The following EXOC6B variants were observed in gnomAD, a reference collection of about 807,000 sequenced individuals.
EXOC6B encodes the protein exocyst complex component 6B.
EXOC6B carries 54 observed loss-of-function variants against 113.5 expected under a neutral mutation model. The observed-to-expected ratio is 0.48, with a 90% CI of 0.38 to 0.60. EXOC6B has a LOEUF of 0.60. Among genes scored for constraint, EXOC6B ranks in the 20% least tolerant of loss-of-function variants. The pLI, the probability that EXOC6B is intolerant of heterozygous loss-of-function variation, is 0.00. For synonymous variants in EXOC6B, 357 were observed against 339.0 expected (o/e 1.05, Z -0.58); for missense variants, 797 against 977.5 (o/e 0.82, Z 2.46).
At chr2:72,516,006 T>G (rs1316080154) in intron 8 of EXOC6B, among the ~76,000 whole-genome samples, 1 of 152,148 alleles carries the variant, frequency 6.6e-6, no homozygotes, top group East Asian at 1.9e-4. Flanking sequence ...TCAGAGATTG[T>G]TGATCACCAG....
rs2104226862 is a variant in EXOC6B at position 72,184,255 on chromosome 2, C to T, written c.2197-68G>A. ...ACAAGACAAACCAAGATTCCAGAAA[C>T]TTCATCATCCTTCACTACCAGCTAA... On this transcript the variant is annotated intron_variant, in intron 20 of 21. Coordinates refer to ENST00000272427, the MANE Select transcript of EXOC6B (RefSeq NM_015189.3). 4 of 722,176 alleles carry T rather than the reference C, an allele frequency of 5.5e-6. No homozygotes were observed. The South Asian group carries it at 7.1e-5, about 13-fold the overall frequency. 44.7% of individuals were successfully genotyped at this position (722,176 alleles called of 1,614,324 possible).
intron 1 of EXOC6B, among the ~76,000 whole-genome samples, chr2:72,750,701 C>T (rs1329159288): frequency 6.6e-6 from 1 of 152,214 alleles, no homozygotes; most frequent in Non-Finnish European, 1.5e-5. Context: ...GGGAGGTCTA[C>T]ACTCATACTA....
intron 1 of EXOC6B, among the ~76,000 whole-genome samples, chr2:72,788,221 T>C (rs1488155044): frequency 6.6e-6 from 1 of 152,206 alleles, no homozygotes; most frequent in African/African-American, 2.4e-5. Context: ...TGACTTAATA[T>C]GTAAAATTGA....
intron 6 of EXOC6B, among the ~76,000 whole-genome samples, chr2:72,685,057 C>A (rs1198932650): frequency 6.6e-6 from 1 of 151,934 alleles, no homozygotes; most frequent in Admixed American, 6.6e-5. Flanking sequence ...GTGAAGTGTA[C>A]CTAGGTCTCA....
intron 18 of EXOC6B, among the ~76,000 whole-genome samples, chr2:72,425,818 A>T (rs903448299): frequency 2.0e-5 from 3 of 152,142 alleles, no homozygotes; most frequent in Non-Finnish European, 4.4e-5. Context: ...ATAATTTCTT[A>T]CTTTTTAAAT....
chr2:72,638,241 T>C (rs1008663169), intron 6 of EXOC6B, among the ~76,000 whole-genome samples: 1 of 151,864 alleles, frequency 6.6e-6, no homozygotes, highest in Admixed American at 6.6e-5. Flanking sequence ...TGCTGATAAA[T>C]TGGGAAAACT....
chr2:72,458,782 G>C lies in EXOC6B; in HGVS notation c.1980+6378C>G, dbSNP rs113527397. On this transcript the variant is annotated intron_variant, in intron 18 of 21. Transcript: ENST00000272427. ...TTTAATTCAGACAAGCACCAGGTTT[G>C]ATCCACATTACTGCTTCTAAATGAC... 9.7e-3 allele frequency among the ~76,000 whole-genome samples: 1,473 copies of C among 152,182 alleles called. 24 individuals are homozygous for C. Among genetic ancestry groups the C allele is most frequent in the African/African-American group, 0.033 (1,365 of 41,526 alleles).
intron 20 of EXOC6B, among the ~76,000 whole-genome samples, chr2:72,202,339 A>G (rs1679541168): frequency 6.6e-6 from 1 of 152,212 alleles, no homozygotes; most frequent in African/African-American, 2.4e-5. Context: ...GCAACTAAAA[A>G]CTGCCCTTTG....
At chr2:72,446,715 C>A (rs1005605255) in intron 18 of EXOC6B, among the ~76,000 whole-genome samples, 3 of 152,078 alleles carry the variant, frequency 2.0e-5, no homozygotes, top group Admixed American at 6.5e-5. Context: ...TACAACAAAC[C>A]CCTGTGACAC....
intron 6 of EXOC6B, among the ~76,000 whole-genome samples, chr2:72,614,111 C>T (rs1671245094): frequency 6.6e-6 from 1 of 152,082 alleles, no homozygotes; most frequent in Non-Finnish European, 1.5e-5. Context: ...TATGGAAAAA[C>T]GGTTTGTCAA....
At position 72,585,739 on chromosome 2, in the gene EXOC6B, T is replaced by C. The variant is rs191085501; in HGVS notation, c.670-10071A>G. ...CCTGGGTAACACAACCTCTAAAGAT[T>C]AAATCAGGAAGATAGTGAAACCCTG... On this transcript the variant is annotated intron_variant, in intron 6 of 21. Transcript: ENST00000272427. Among the ~76,000 whole-genome samples, 77 of 152,112 alleles carry C rather than the reference T, an allele frequency of 5.1e-4. 1 individual carries two copies. Among genetic ancestry groups the C allele is most frequent in the East Asian group, 2.3e-3 (12 of 5,184 alleles).
At chr2:72,218,232 C>T (rs932049749) in intron 20 of EXOC6B, among the ~76,000 whole-genome samples, 3 of 152,196 alleles carry the variant, frequency 2.0e-5, no homozygotes, top group Non-Finnish European at 2.9e-5. Flanking sequence ...GGCAACTTAG[C>T]GTTCAAGTCA....
intron 18 of EXOC6B, among the ~76,000 whole-genome samples, chr2:72,458,766 G>C (rs1267275842): frequency 6.6e-6 from 1 of 152,072 alleles, no homozygotes; most frequent in East Asian, 1.9e-4. Context: ...TTTTAATTCA[G>C]ACAAGCACCA....
intron 18 of EXOC6B, among the ~76,000 whole-genome samples, chr2:72,390,316 G>A (rs927461044): frequency 6.6e-6 from 1 of 152,004 alleles, no homozygotes; most frequent in Admixed American, 6.5e-5. Flanking sequence ...TTTAAATATT[G>A]AATATATTGA....
intron 20 of EXOC6B, among the ~76,000 whole-genome samples, chr2:72,330,688 A>G (rs1307009295): frequency 6.6e-6 from 1 of 151,950 alleles, no homozygotes; most frequent in Non-Finnish European, 1.5e-5. Flanking sequence ...CATTGTTTAT[A>G]TATGTCTTAT....
chr2:72,736,946 G>A (rs553680349), intron 2 of EXOC6B, among the ~76,000 whole-genome samples: 8 of 152,116 alleles, frequency 5.3e-5, no homozygotes, highest in African/African-American at 1.9e-4. Flanking sequence ...CTGTTTTCAC[G>A]CATTTCAGAT....
At chr2:72,562,086 A>G (rs1703920763) in intron 7 of EXOC6B, among the ~76,000 whole-genome samples, 1 of 152,154 alleles carries the variant, frequency 6.6e-6, no homozygotes, top group Non-Finnish European at 1.5e-5. Flanking sequence ...GAACACTGTG[A>G]GGAACCAAGA....
intron 1 of EXOC6B, among the ~76,000 whole-genome samples, chr2:72,812,910 T>G (rs1331578446): frequency 6.6e-6 from 1 of 151,910 alleles, no homozygotes; most frequent in Admixed American, 6.6e-5. Flanking sequence ...TCATCAAAAT[T>G]AAAAAAACTT....
chr2:72,781,006 T>G (rs1684005029), intron 1 of EXOC6B, among the ~76,000 whole-genome samples: 1 of 152,210 alleles, frequency 6.6e-6, no homozygotes, highest in Non-Finnish European at 1.5e-5. Context: ...CCTAACTAAA[T>G]TACTACTCCC....
Sources: allele counts gnomAD v4.1 joint callset (sites outside exome capture counted in the v4.1 genomes callset), GRCh38; gene constraint gnomAD v4.1.1; transcripts MANE v1.5; gene names NCBI Gene and HGNC (gene_info 2026-07-23, HGNC 2026-07-21).